Variants in FAAH2 observed in about 807,000 individuals in gnomAD.
FAAH2 encodes the protein fatty-acid amide hydrolase 2.
In FAAH2, 60 loss-of-function variants were observed where a neutral mutation model predicts 36.9. The ratio of observed to expected loss-of-function variants is 1.63; its 90% CI spans 1.32 to 2.02. The LOEUF is 2.02. FAAH2 is among the 30% of genes most tolerant of loss of function. FAAH2 has a pLI of 0.00. For missense variants in FAAH2, 689 were observed against 397.5 expected (o/e 1.73, Z -6.23); for synonymous variants, 214 against 143.8 (o/e 1.49, Z -3.49).
At chrX:57,189,001 C>G in the FAAH2 span, among the ~76,000 whole-genome samples, 1 of 111,548 alleles carries the variant, frequency 9.0e-6, no homozygotes, top group Non-Finnish European at 1.9e-5. Context: ...ATTCCATTCT[C>G]CCAGTCACGT....
intron 10 of FAAH2, among the ~76,000 whole-genome samples, chrX:57,456,538 A>G (rs1411863876): frequency 1.8e-5 from 2 of 112,206 alleles, no homozygotes; most frequent in African/African-American, 3.2e-5. Flanking sequence ...TTGATATACC[A>G]TTAGCTAAAC....
the FAAH2 span, among the ~76,000 whole-genome samples, chrX:57,183,855 C>T: frequency 9.0e-6 from 1 of 110,950 alleles, no homozygotes; most frequent in South Asian, 3.8e-4. Context: ...TTTCTTCTTG[C>T]AGAGAGCCTA....
chrX:57,156,747 G>A, the FAAH2 span, among the ~76,000 whole-genome samples: 1 of 111,595 alleles, frequency 9.0e-6, no homozygotes, highest in African/African-American at 3.3e-5. Flanking sequence ...CTAATCAGAT[G>A]GAATCTCTCT....
At chrX:57,463,839 G>T (rs980971601) in intron 10 of FAAH2, among the ~76,000 whole-genome samples, 3 of 111,880 alleles carry the variant, frequency 2.7e-5, no homozygotes, top group Non-Finnish European at 3.8e-5. Flanking sequence ...GTGGAAGGCA[G>T]TATGGCAATC....
At chrX:57,482,877 A>G (rs1295488573) in intron 10 of FAAH2, among the ~76,000 whole-genome samples, 1 of 108,245 alleles carries the variant, frequency 9.2e-6, no homozygotes, top group African/African-American at 3.4e-5. Context: ...AGAGAAGTCC[A>G]CTCTTAGCCT....
intron 2 of FAAH2, among the ~76,000 whole-genome samples, chrX:57,304,699 G>C (rs892314579): frequency 4.5e-5 from 5 of 111,816 alleles, no homozygotes; most frequent in African/African-American, 1.6e-4. Flanking sequence ...TATTTATAAA[G>C]GGAAAAAGTG....
chrX:57,156,711 C>A, the FAAH2 span, among the ~76,000 whole-genome samples: 1 of 111,863 alleles, frequency 8.9e-6, no homozygotes, highest in African/African-American at 3.2e-5. Flanking sequence ...CAAGCAAAGT[C>A]TCTTGCTCTG....
chrX:57,456,560 A>C (rs936628794), intron 10 of FAAH2, among the ~76,000 whole-genome samples: 1 of 112,188 alleles, frequency 8.9e-6, no homozygotes, highest in African/African-American at 3.2e-5. Context: ...AACAAGGAAT[A>C]ATAAAAAATA....
At chrX:57,377,754 T>C (rs2054723290) in intron 5 of FAAH2, among the ~76,000 whole-genome samples, 1 of 112,459 alleles carries the variant, frequency 8.9e-6, no homozygotes, top group South Asian at 3.7e-4. Context: ...ATTTTTACAG[T>C]ATTGATTCTT....
chrX:57,389,016 G>T (rs1266916795), intron 7 of FAAH2, among the ~76,000 whole-genome samples: 1 of 108,592 alleles, frequency 9.2e-6, no homozygotes, highest in East Asian at 2.9e-4. Flanking sequence ...AGGACATCTT[G>T]GTTGTTTCAA....
At chrX:57,216,981 A>T in the FAAH2 span, among the ~76,000 whole-genome samples, 9 of 110,615 alleles carry the variant, frequency 8.1e-5, no homozygotes, top group African/African-American at 9.8e-5. Context: ...TTCAGGAATA[A>T]GGTGGTATCG....
In FAAH2 at chrX:57,395,278, T is replaced by C. The variant is rs141896043; in HGVS notation, c.996+14249T>C. 1.0e-3 allele frequency: 655 copies of C among 655,920 alleles called. 3 individuals carry two copies. The African/African-American group carries it at 0.013, about 13-fold the overall frequency. The allele number at this position is 655,920 out of a possible 1,213,427, so 54.1% of individuals were successfully genotyped here. ...ATATAAAGATTGGAATCATCTCTGT[T>C]GCCAACCTGTAATATTGCCAGGCCT... On this transcript the variant is annotated intron_variant, in intron 7 of 10. Coordinates refer to ENST00000374900, the MANE Select transcript of FAAH2 (RefSeq NM_174912.4).
At chrX:57,422,774 G>T (rs886799528) in intron 7 of FAAH2, among the ~76,000 whole-genome samples, 1 of 111,952 alleles carries the variant, frequency 8.9e-6, no homozygotes, top group Non-Finnish European at 1.9e-5. Flanking sequence ...GGCTGGAAAT[G>T]ATTATGGATT....
chrX:57,222,462 C>T, the FAAH2 span, among the ~76,000 whole-genome samples: 1 of 111,948 alleles, frequency 8.9e-6, no homozygotes, highest in East Asian at 2.8e-4. Flanking sequence ...GCCTACCTCT[C>T]TAAACAGCTT....
intron 8 of FAAH2, among the ~76,000 whole-genome samples, chrX:57,437,463 T>C (rs949893640): frequency 9.1e-6 from 1 of 109,825 alleles, no homozygotes; most frequent in Non-Finnish European, 1.9e-5. Flanking sequence ...GACTATATAA[T>C]CTTATATCTT....
chrX:57,195,369 A>C, the FAAH2 span, among the ~76,000 whole-genome samples: 3 of 111,641 alleles, frequency 2.7e-5, no homozygotes, highest in Non-Finnish European at 5.7e-5. Flanking sequence ...GATGATGTGC[A>C]TTTTATAGCA....
At chrX:57,235,570 A>G in the FAAH2 span, among the ~76,000 whole-genome samples, 1 of 112,450 alleles carries the variant, frequency 8.9e-6, no homozygotes, top group Admixed American at 9.4e-5. Context: ...GAATTTTAAA[A>G]TATGCATCTT....
At chrX:57,216,070 A>T in the FAAH2 span, among the ~76,000 whole-genome samples, 1 of 108,279 alleles carries the variant, frequency 9.2e-6, no homozygotes, top group African/African-American at 3.4e-5. Flanking sequence ...TCAGAAACGA[A>T]AATCCATTGG....
At chrX:57,375,438 C>T (rs1291502847) in intron 5 of FAAH2, among the ~76,000 whole-genome samples, 2 of 91,435 alleles carry the variant, frequency 2.2e-5, no homozygotes, top group Admixed American at 2.7e-4. Flanking sequence ...TCTAATTCTT[C>T]CTCATTTAAG....
Sources: gnomAD v4.1 joint callset for allele counts (sites outside exome capture counted in the v4.1 genomes callset) on GRCh38, gnomAD v4.1.1 for gene constraint, MANE v1.5 for transcripts, NCBI Gene and HGNC (gene_info 2026-07-23, HGNC 2026-07-21) for gene names.